The following ANK2 variants were observed in gnomAD, a reference collection of about 807,000 sequenced individuals.
The protein encoded by ANK2 is ankyrin 2, also known as ankyrin-2.
Under a neutral mutation model 360.5 loss-of-function variants are expected in ANK2, and 83 were observed. That is an observed-to-expected ratio of 0.23 (90% CI 0.19 to 0.28). The LOEUF is 0.28. Ranked by LOEUF, ANK2 falls within the 10% of genes least tolerant of loss-of-function variation. The pLI, the probability that ANK2 is intolerant of heterozygous loss-of-function variation, is 1.00. For missense variants in ANK2, 4,201 were observed against 4,795.7 expected, an observed-to-expected ratio of 0.88 and a Z score of 3.66; for synonymous variants, 1,740 against 1,759.5, an observed-to-expected ratio of 0.99 and a Z score of 0.28.
chr4:113,131,141 A>G (rs550274228), intron 1 of ANK2, among the ~76,000 whole-genome samples: 1 of 152,300 alleles, frequency 6.6e-6, no homozygotes, highest in South Asian at 2.1e-4. Context: ...CCTGTTTTCA[A>G]TTCAAATTTC....
intron 10 of ANK2, among the ~76,000 whole-genome samples, chr4:113,251,475 C>CTTTTTT (rs1167630240): frequency 7.4e-4 from 65 of 88,118 alleles, no homozygotes; most frequent in Non-Finnish European, 9.2e-4. Flanking sequence ...AATACAAAAT[C>CTTTTTT]TTTTTTTTTT....
chr4:112,765,375 A>C, the ANK2 span, among the ~76,000 whole-genome samples: 1 of 151,840 alleles, frequency 6.6e-6, no homozygotes, highest in African/African-American at 2.4e-5. Context: ...TTTTTTTATG[A>C]CCTTTCCTTG....
In ANK2 at chr4:113,358,824, A is replaced by G. The variant is rs1442066284; in HGVS notation, c.10206A>G (p.Lys3402=). 1.2e-6 allele frequency: 2 copies of G among 1,614,134 alleles called. No homozygotes were observed. Among genetic ancestry groups the G allele is most frequent in the Non-Finnish European group, 1.7e-6 (2 of 1,179,980 alleles). Residue 3402 remains lysine, a synonymous_variant, in exon 38 of 46, where the codon AAA becomes AAG. Coordinates refer to ENST00000357077, the MANE Select transcript of ANK2 (RefSeq NM_001148.6). ...CTAGTTCTTTGGATTCAAAGACCAA[A>G]TGCCCAGTAAAAACCCGAAGTTACA... ...SDASSLDSKT[K]CPVKTRSYTE...
At chr4:113,223,505 A>G (rs3025748) in intron 4 of ANK2, among the ~76,000 whole-genome samples, 16,399 of 152,216 alleles carry the variant, frequency 0.11, 1,039 homozygotes, top group East Asian at 0.18. Context: ...GAAATAGCAC[A>G]TGGAATTAAG....
chr4:113,257,917 C>G (rs1204656982), intron 11 of ANK2, 133 bp from the exon 12 acceptor site: 3 of 923,210 alleles, frequency 3.2e-6, no homozygotes, highest in East Asian at 5.2e-5. Context: ...TTCCAAATTC[C>G]AACACCTGCA....
At chr4:113,344,306 G>A (rs533788956) in intron 34 of ANK2, among the ~76,000 whole-genome samples, 12 of 152,234 alleles carry the variant, frequency 7.9e-5, no homozygotes, top group African/African-American at 2.4e-4. Flanking sequence ...GTTCAACAGC[G>A]TAGGGAAATG....
intron 43 of ANK2, among the ~76,000 whole-genome samples, chr4:113,370,193 T>A (rs908854693): frequency 6.6e-6 from 1 of 152,170 alleles, no homozygotes; most frequent in Non-Finnish European, 1.5e-5. Flanking sequence ...CCAGCAGGCT[T>A]GTTAGATCTC....
chr4:113,039,056 C>A (rs2062261133), intron 2 of ANK2, among the ~76,000 whole-genome samples: 1 of 152,024 alleles, frequency 6.6e-6, no homozygotes, highest in African/African-American at 2.4e-5. Flanking sequence ...AATTAGAATG[C>A]CACCATTCCT....
At chr4:113,085,384 G>A (rs12645981) in intron 1 of ANK2, among the ~76,000 whole-genome samples, 26,743 of 151,730 alleles carry the variant, frequency 0.18, 2,736 homozygotes, top group East Asian at 0.49. Context: ...CCCAATCTTG[G>A]CTCACTGCAA....
intron 1 of ANK2, among the ~76,000 whole-genome samples, chr4:113,172,514 GT>G (rs934739781): frequency 5.9e-5 from 9 of 152,022 alleles, no homozygotes; most frequent in African/African-American, 9.7e-5. Flanking sequence ...CATAAGAATA[GT>G]TTTTTTCTCA....
chr4:113,361,703 C>T (rs2096238150), intron 39 of ANK2, among the ~76,000 whole-genome samples: 1 of 151,908 alleles, frequency 6.6e-6, no homozygotes, highest in Non-Finnish European at 1.5e-5. Flanking sequence ...TGGCCACTTT[C>T]TCACTTGTAA....
intron 1 of ANK2, among the ~76,000 whole-genome samples, chr4:112,833,536 C>G (rs1043158723): frequency 6.7e-6 from 1 of 148,854 alleles, no homozygotes; most frequent in South Asian, 2.1e-4. Context: ...GGGAGTCTCG[C>G]TCTGTCCCCC....
chr4:112,804,561 T>G, the ANK2 span, among the ~76,000 whole-genome samples: 39 of 152,186 alleles, frequency 2.6e-4, no homozygotes, highest in Non-Finnish European at 4.1e-4. Context: ...GGGAGCTTGT[T>G]ATAGAATGCC....
At chr4:112,793,345 T>C in the ANK2 span, among the ~76,000 whole-genome samples, 1 of 152,108 alleles carries the variant, frequency 6.6e-6, no homozygotes, top group Non-Finnish European at 1.5e-5. Context: ...TTTAAGAAAT[T>C]AAGGTTTTAA....
At chr4:113,006,099 T>G (rs2052749953) in intron 2 of ANK2, among the ~76,000 whole-genome samples, 2 of 152,320 alleles carry the variant, frequency 1.3e-5, no homozygotes, top group South Asian at 4.1e-4. Context: ...CAGAATGGAC[T>G]AACACATAGG....
At chr4:113,041,282 A>G (rs1476032892) in intron 2 of ANK2, among the ~76,000 whole-genome samples, 3 of 152,074 alleles carry the variant, frequency 2.0e-5, no homozygotes, top group African/African-American at 7.2e-5. Flanking sequence ...CACTCCCTGC[A>G]TCTCTGGCAT....
At chr4:112,885,774 G>A (rs1034047202) in intron 1 of ANK2, among the ~76,000 whole-genome samples, 1 of 135,188 alleles carries the variant, frequency 7.4e-6, no homozygotes, top group Non-Finnish European at 1.5e-5. Context: ...TCCAGCCTGG[G>A]GGACAGAGCA....
chr4:112,992,536 A>T (rs936275268), intron 2 of ANK2, among the ~76,000 whole-genome samples: 1 of 152,182 alleles, frequency 6.6e-6, no homozygotes, highest in African/African-American at 2.4e-5. Context: ...GGTGACCTAA[A>T]AAACAGAAAT....
chr4:112,775,882 G>A, the ANK2 span, among the ~76,000 whole-genome samples: 2 of 152,162 alleles, frequency 1.3e-5, no homozygotes, highest in East Asian at 3.9e-4. Flanking sequence ...CCACACTTTC[G>A]CATGTGTAAG....
Sources: allele counts gnomAD v4.1 joint callset (sites outside exome capture counted in the v4.1 genomes callset), GRCh38; gene constraint gnomAD v4.1.1; transcripts MANE v1.5; gene names NCBI Gene and HGNC (gene_info 2026-07-23, HGNC 2026-07-21).